TAF1B: variants seen among roughly 807,000 people sequenced by gnomAD.
TAF1B encodes TATA-box binding protein associated factor, RNA polymerase I subunit B.
Under a neutral mutation model 83.9 loss-of-function variants are expected in TAF1B, and 61 were observed. The observed-to-expected ratio is 0.73, with a 90% CI of 0.59 to 0.90. TAF1B has a LOEUF of 0.90. Ranked by LOEUF, TAF1B falls within the 40% of genes least tolerant of loss-of-function variation. The probability of loss-of-function intolerance (pLI) is 0.00; values close to 1 mark genes in which losing one functional copy is unlikely to be tolerated. For synonymous variants in TAF1B, 221 were observed against 224.6 expected, an observed-to-expected ratio of 0.98 and a Z score of 0.14; for missense variants, 625 against 677.0, an observed-to-expected ratio of 0.92 and a Z score of 0.85.
chr2:9,889,366 C>A (rs1487816442), intron 8 of TAF1B, among the ~76,000 whole-genome samples: 1 of 152,014 alleles, frequency 6.6e-6, no homozygotes, highest in Non-Finnish European at 1.5e-5. Context: ...ACTTGAGTAT[C>A]TTCTAATGTG....
At chr2:9,870,156 G>C (rs1453193557) in intron 6 of TAF1B, among the ~76,000 whole-genome samples, 1 of 151,956 alleles carries the variant, frequency 6.6e-6, no homozygotes, top group Non-Finnish European at 1.5e-5. Context: ...TATAAGTCTT[G>C]TTATAAAAAA....
chr2:9,879,154 A>G (rs903997802), intron 7 of TAF1B, among the ~76,000 whole-genome samples: 5 of 152,224 alleles, frequency 3.3e-5, no homozygotes, highest in Non-Finnish European at 7.3e-5. Context: ...CCTATGATAA[A>G]GTTTAATTTA....
chr2:9,870,723 C>T (rs970674894), intron 6 of TAF1B, among the ~76,000 whole-genome samples: 2 of 151,278 alleles, frequency 1.3e-5, no homozygotes, highest in Non-Finnish European at 2.9e-5. Context: ...CATTCTCTCT[C>T]TTCTCAATAT....
rs193265163 is a variant in TAF1B at position 9,899,206 on chromosome 2, T to C, written c.808-5653T>C. Among the ~76,000 whole-genome samples, 3 of 152,306 alleles carry C rather than the reference T, an allele frequency of 2.0e-5. No homozygotes were observed. The East Asian group carries it at 5.8e-4, about 29-fold the overall frequency. On this transcript the variant is annotated intron_variant, in intron 8 of 14. Transcript: ENST00000263663. ...CTCTGGTAAACACCATTCTACTTTCTGTCTCTAGGAATTTGACTTCTTTAG... is the reference window on the plus strand; with the variant it reads ...CTCTGGTAAACACCATTCTACTTTCCGTCTCTAGGAATTTGACTTCTTTAG...
At chr2:9,902,414 C>T (rs1665210213) in intron 8 of TAF1B, among the ~76,000 whole-genome samples, 1 of 152,086 alleles carries the variant, frequency 6.6e-6, no homozygotes. Flanking sequence ...CATGTCCTAC[C>T]CACCCTTAGA....
chr2:9,846,786 G>A (rs1429554047), intron 2 of TAF1B, among the ~76,000 whole-genome samples: 5 of 152,134 alleles, frequency 3.3e-5, no homozygotes, highest in African/African-American at 1.2e-4. Context: ...AATTGTTGGG[G>A]TGATGGAGAT....
intron 6 of TAF1B, among the ~76,000 whole-genome samples, chr2:9,874,152 C>G (rs930201610): frequency 1.3e-5 from 2 of 152,168 alleles, no homozygotes; most frequent in African/African-American, 4.8e-5. Context: ...GGAGGCCTCA[C>G]AATCTTGGTA....
At chr2:9,883,213 TCTTCA>T (rs1308923176) in intron 8 of TAF1B, among the ~76,000 whole-genome samples, 1 of 152,244 alleles carries the variant, frequency 6.6e-6, no homozygotes, top group Non-Finnish European at 1.5e-5. Context: ...TATTTTAAGT[TCTTCA>T]CTTATGTTAG....
chr2:9,852,681 G>C (rs1395810357), intron 4 of TAF1B, among the ~76,000 whole-genome samples: 1 of 152,076 alleles, frequency 6.6e-6, no homozygotes, highest in East Asian at 1.9e-4. Flanking sequence ...TAGTATAGAT[G>C]GGGTTTCACC....
At chr2:9,889,870 C>T (rs1321669330) in intron 8 of TAF1B, among the ~76,000 whole-genome samples, 1 of 152,196 alleles carries the variant, frequency 6.6e-6, no homozygotes, top group Non-Finnish European at 1.5e-5. Context: ...ATTACGAAGT[C>T]TCTGCACTTT....
intron 6 of TAF1B, 68 bp downstream of exon 6, chr2:9,868,497 ATCT>A: frequency 6.4e-7 from 1 of 1,556,272 alleles, no homozygotes; most frequent in Non-Finnish European, 8.7e-7. Flanking sequence ...ATTTAGTCTA[ATCT>A]TCTGATAATC....
At chr2:9,908,481 T>C (rs1394051139) in intron 9 of TAF1B, among the ~76,000 whole-genome samples, 1 of 152,224 alleles carries the variant, frequency 6.6e-6, no homozygotes, top group Non-Finnish European at 1.5e-5. Context: ...AGATAATGGT[T>C]AAAATTTTAG....
intron 14 of TAF1B, 68 bp from the exon 15 acceptor site, chr2:9,933,715 C>A (rs1666287718): frequency 3.1e-6 from 4 of 1,294,404 alleles, no homozygotes; most frequent in Non-Finnish European, 4.3e-6. Context: ...GGGGGATGTT[C>A]AGGGGTTAGT....
At position 9,913,205 on chromosome 2, in the gene TAF1B, AGCTTTTG is replaced by A. The variant is rs1370718409; in HGVS notation, c.1228_1234del (p.Ala410MetfsTer31). ...GAAAGTGGTACCAAATTATGAAGAA[AGCTTTTG>A]ATGAGAAAAAACAAAAATGGGAAGA... On this transcript the variant is annotated frameshift_variant, in exon 12 of 15. Coordinates refer to ENST00000263663, the MANE Select transcript of TAF1B (RefSeq NM_005680.3). LOFTEE classifies it high-confidence loss of function. The A allele has an allele frequency of 6.2e-7, 1 of 1,612,838 alleles. No individual in the cohort carries two copies. Among genetic ancestry groups the A allele is most frequent in the African/African-American group, 1.3e-5 (1 of 74,878 alleles).
intron 8 of TAF1B, among the ~76,000 whole-genome samples, chr2:9,891,437 G>T (rs1664871916): frequency 6.6e-6 from 1 of 152,070 alleles, no homozygotes; most frequent in African/African-American, 2.4e-5. Context: ...CCTGATACAT[G>T]TACCTATTTC....
intron 14 of TAF1B, among the ~76,000 whole-genome samples, chr2:9,928,650 GCT>G (rs61291539): frequency 1.3e-5 from 2 of 152,138 alleles, no homozygotes; most frequent in Non-Finnish European, 2.9e-5. Context: ...TCATGATTTA[GCT>G]CTCTGTTTGT....
chr2:9,932,162 C>T (rs1443465855), intron 14 of TAF1B, among the ~76,000 whole-genome samples: 14 of 152,242 alleles, frequency 9.2e-5, no homozygotes, highest in African/African-American at 3.1e-4. Flanking sequence ...CTGAAGCCTA[C>T]TTCTGTCAGC....
chr2:9,872,056 G>A (rs1361869499), intron 6 of TAF1B, among the ~76,000 whole-genome samples: 1 of 152,042 alleles, frequency 6.6e-6, no homozygotes, highest in Non-Finnish European at 1.5e-5. Context: ...GGCTGGGTGT[G>A]GTGGCTCACG....
chr2:9,862,822 T>G (rs1427718381), intron 5 of TAF1B, among the ~76,000 whole-genome samples: 9 of 151,572 alleles, frequency 5.9e-5, no homozygotes, highest in African/African-American at 1.7e-4. Context: ...TTTCAACCTA[T>G]AATTTCATAT....
Sources: allele counts gnomAD v4.1 joint callset (sites outside exome capture counted in the v4.1 genomes callset), GRCh38; gene constraint gnomAD v4.1.1; transcripts MANE v1.5; gene names NCBI Gene and HGNC (gene_info 2026-07-23, HGNC 2026-07-21).